Variants in IL1RAPL2 observed in about 807,000 individuals in gnomAD.
IL1RAPL2 encodes X-linked interleukin-1 receptor accessory protein-like 2.
A neutral mutation model predicts 44.1 loss-of-function variants in IL1RAPL2; 3 were observed. The ratio of observed to expected loss-of-function variants is 0.07; its 90% CI spans 0.03 to 0.18. The LOEUF is 0.18. Among genes scored for constraint, IL1RAPL2 ranks in the 10% least tolerant of loss-of-function variants. The pLI is 1.00. For synonymous variants in IL1RAPL2, 181 were observed against 178.8 expected (o/e 1.01, Z -0.10); for missense variants, 391 against 496.4 (o/e 0.79, Z 2.02).
chrX:105,128,706 C>T (rs1375439235), intron 2 of IL1RAPL2, among the ~76,000 whole-genome samples: 5 of 111,072 alleles, frequency 4.5e-5, no homozygotes, highest in Non-Finnish European at 7.6e-5. Context: ...TCTGACTGAC[C>T]CACTACTTCT....
At chrX:105,474,771 G>A (rs146009959) in intron 5 of IL1RAPL2, among the ~76,000 whole-genome samples, 87 of 111,359 alleles carry the variant, frequency 7.8e-4, no homozygotes, top group African/African-American at 2.8e-3. Context: ...TTAGTGAAGT[G>A]TTTAGGTTTC....
At chrX:105,115,347 G>C (rs1436522930) in intron 2 of IL1RAPL2, among the ~76,000 whole-genome samples, 1 of 111,549 alleles carries the variant, frequency 9.0e-6, no homozygotes. Context: ...GCCACTGCTA[G>C]GTTGGGCAGC....
intron 6 of IL1RAPL2, among the ~76,000 whole-genome samples, chrX:105,705,399 C>A (rs1220312082): frequency 9.0e-6 from 1 of 111,039 alleles, no homozygotes; most frequent in Non-Finnish European, 1.9e-5. Context: ...AACTTGAGAG[C>A]TTCAGGGGAA....
At chrX:105,282,878 T>C (rs187359360) in intron 5 of IL1RAPL2, among the ~76,000 whole-genome samples, 17 of 111,929 alleles carry the variant, frequency 1.5e-4, no homozygotes, top group Non-Finnish European at 2.6e-4. Context: ...GTGCTGTAAT[T>C]TTTTATGATA....
intron 5 of IL1RAPL2, among the ~76,000 whole-genome samples, chrX:105,410,125 T>C (rs911032525): frequency 4.5e-5 from 5 of 110,612 alleles, no homozygotes; most frequent in Admixed American, 3.9e-4. Context: ...CAACTCTATT[T>C]AGTCTTATTA....
At chrX:104,738,776 C>A (rs1189879794) in intron 2 of IL1RAPL2, among the ~76,000 whole-genome samples, 3 of 110,560 alleles carry the variant, frequency 2.7e-5, no homozygotes, top group African/African-American at 9.9e-5. Flanking sequence ...CCTACCTCTA[C>A]AAAAAATTAA....
At chrX:105,080,289 T>C (rs1172884617) in intron 2 of IL1RAPL2, among the ~76,000 whole-genome samples, 1 of 112,190 alleles carries the variant, frequency 8.9e-6, no homozygotes, top group Non-Finnish European at 1.9e-5. Flanking sequence ...CATAAAGTCT[T>C]TGCCCATGCC....
rs750610467 is a variant in IL1RAPL2 at position 105,377,370 on chromosome X, C to CTGTG, written c.698-106921_698-106918dup. On this transcript the variant is annotated intron_variant, in intron 5 of 10. Coordinates refer to ENST00000372582, the MANE Select transcript of IL1RAPL2 (RefSeq NM_017416.2). ...GGGGTATGTGTGCATGTGTGTGTGT[C>CTGTG]TGTGTGTGTGTGTGTGTGTGTGTGT... Among the ~76,000 whole-genome samples the CTGTG allele has an allele frequency of 5.9e-3, 587 of 99,154 alleles. 4 individuals are homozygous for CTGTG. The highest frequency in any genetic ancestry group is 0.02 in the African/African-American group (543 of 27,582). 86.1% of individuals were successfully genotyped at this position (99,154 alleles called of 115,157 possible). A position where few individuals can be genotyped will look rare whatever the true frequency, so the allele number is the denominator to read the frequency against.
At chrX:104,894,063 T>C (rs973925068) in intron 2 of IL1RAPL2, among the ~76,000 whole-genome samples, 2 of 111,818 alleles carry the variant, frequency 1.8e-5, no homozygotes, top group African/African-American at 6.5e-5. Flanking sequence ...TTTGGCTGGA[T>C]ATGAAATTCT....
chrX:104,836,231 CAG>C lies in IL1RAPL2; in HGVS notation c.82+177241_82+177242del, dbSNP rs767797475. 1.9e-4 allele frequency among the ~76,000 whole-genome samples: 21 copies of C among 109,938 alleles called. No individual in the cohort carries two copies. In the East Asian group the frequency reaches 6.0e-3, roughly 31 times the overall value. ...ATTGAAACAATTAAACTCATGGAGA[CAG>C]AGAGTAGAATGATGGTTACCAGAGG... On this transcript the variant is annotated intron_variant, in intron 2 of 10. Coordinates refer to ENST00000372582, the MANE Select transcript of IL1RAPL2 (RefSeq NM_017416.2).
intron 5 of IL1RAPL2, among the ~76,000 whole-genome samples, chrX:105,344,069 A>C (rs1461004807): frequency 9.1e-6 from 1 of 109,583 alleles, no homozygotes; most frequent in Non-Finnish European, 1.9e-5. Context: ...TAATTTTTCT[A>C]TTTTCAGTAG....
intron 6 of IL1RAPL2, among the ~76,000 whole-genome samples, chrX:105,574,579 G>A (rs1423440697): frequency 1.8e-5 from 2 of 111,937 alleles, no homozygotes; most frequent in Non-Finnish European, 3.8e-5. Context: ...TCTTTCTTTA[G>A]TAGGATCAAC....
At chrX:105,399,094 G>A (rs1299849394) in intron 5 of IL1RAPL2, among the ~76,000 whole-genome samples, 4 of 111,483 alleles carry the variant, frequency 3.6e-5, no homozygotes, top group African/African-American at 1.3e-4. Context: ...ATTCAGAAAA[G>A]CAATGAGGTG....
intron 2 of IL1RAPL2, among the ~76,000 whole-genome samples, chrX:104,742,134 A>T (rs368673143): frequency 3.6e-5 from 4 of 111,389 alleles, no homozygotes; most frequent in Non-Finnish European, 7.6e-5. Context: ...AAAACCACAA[A>T]ATCTGTTTAT....
chrX:104,902,420 T>A (rs1158726928), intron 2 of IL1RAPL2, among the ~76,000 whole-genome samples: 2 of 112,235 alleles, frequency 1.8e-5, no homozygotes, highest in Non-Finnish European at 3.8e-5. Context: ...CTGACACAGA[T>A]TGAACGAGCC....
intron 6 of IL1RAPL2, among the ~76,000 whole-genome samples, chrX:105,499,520 G>A (rs2036378401): frequency 8.9e-6 from 1 of 111,757 alleles, no homozygotes; most frequent in South Asian, 3.7e-4. Context: ...TAAAATATCT[G>A]AGTAACTCCT....
intron 2 of IL1RAPL2, among the ~76,000 whole-genome samples, chrX:104,951,340 G>A (rs1346875535): frequency 8.9e-6 from 1 of 112,193 alleles, no homozygotes; most frequent in East Asian, 2.8e-4. Context: ...ATTACCAAAA[G>A]GGAAATGAAT....
rs1048280739 is a variant in IL1RAPL2, at chrX:104,951,616, A to G, written c.83-243859A>G. The stretch of plus-strand genomic sequence containing the variant: ...TAACAGTTCAATTCAACAAACATTT[A>G]CTCTGGGCAATCTACCATGGTGTTT... On this transcript the variant is annotated intron_variant, in intron 2 of 10. Coordinates refer to ENST00000372582, the MANE Select transcript of IL1RAPL2 (RefSeq NM_017416.2). Among the ~76,000 whole-genome samples, 3 of 112,683 alleles carry G rather than the reference A, an allele frequency of 2.7e-5. No individual in the cohort carries two copies. In the South Asian group the frequency reaches 1.1e-3, roughly 41 times the overall value.
intron 2 of IL1RAPL2, among the ~76,000 whole-genome samples, chrX:104,846,344 C>T (rs1197518929): frequency 4.5e-5 from 5 of 109,894 alleles, no homozygotes; most frequent in Non-Finnish European, 9.5e-5. Context: ...TATCCCTCCC[C>T]CCTCTCCCCA....
Sources: allele counts gnomAD v4.1 joint callset (sites outside exome capture counted in the v4.1 genomes callset), GRCh38; gene constraint gnomAD v4.1.1; transcripts MANE v1.5; gene names NCBI Gene and HGNC (gene_info 2026-07-23, HGNC 2026-07-21).